CSMD1: variants seen among roughly 807,000 people sequenced by gnomAD.
The protein encoded by CSMD1 is CUB and Sushi multiple domains 1.
A neutral mutation model predicts 417.5 loss-of-function variants in CSMD1; 213 were observed. The observed-to-expected ratio is 0.51, with a 90% CI of 0.46 to 0.57. The LOEUF (loss-of-function observed/expected upper bound fraction) is 0.57. Among genes scored for constraint, CSMD1 ranks in the 20% least tolerant of loss-of-function variants. The pLI is 0.00. For missense variants in CSMD1, 6,923 were observed against 4,529.7 expected, an observed-to-expected ratio of 1.53 and a Z score of -15.17; for synonymous variants, 2,862 against 1,736.8, an observed-to-expected ratio of 1.65 and a Z score of -16.11.
At chr8:4,251,122 T>C (rs1382184302) in intron 3 of CSMD1, among the ~76,000 whole-genome samples, 10 of 152,098 alleles carry the variant, frequency 6.6e-5, no homozygotes, top group African/African-American at 1.9e-4. Context: ...TACCTATAAA[T>C]CATTTTTTTA....
intron 7 of CSMD1, among the ~76,000 whole-genome samples, chr8:3,647,499 G>C (rs564677545): frequency 6.6e-6 from 1 of 152,186 alleles, no homozygotes; most frequent in African/African-American, 2.4e-5. Context: ...AGCACAGAGA[G>C]AAGTATATCA....
intron 10 of CSMD1, among the ~76,000 whole-genome samples, chr8:3,509,856 G>T (rs1010862650): frequency 6.6e-6 from 1 of 152,136 alleles, no homozygotes; most frequent in African/African-American, 2.4e-5. Context: ...TTATCAGGTT[G>T]GACCCAACTC....
At chr8:3,556,839 G>C (rs746883476) in intron 10 of CSMD1, among the ~76,000 whole-genome samples, 6 of 151,586 alleles carry the variant, frequency 4.0e-5, no homozygotes, top group Non-Finnish European at 8.8e-5. Flanking sequence ...CACTGCCATA[G>C]GGCTTACCCC....
At position 2,942,540 on chromosome 8, in the gene CSMD1, C is replaced by A; in HGVS notation, c.10467G>T (p.Ala3489=). Residue 3489 remains alanine (A), a synonymous_variant, in exon 69 of 70, where the codon GCG becomes GCT. Coordinates refer to ENST00000635120, the MANE Select transcript of CSMD1 (RefSeq NM_033225.6). The part of the protein sequence containing the change: ...HYHGTSSGSV[A]AAILVPFFAL... ...CAAAGAAAGGAACCAGAATGGCAGCCGCCACAGAGCCACTGCTGGTGCCGT... is the reference window on the plus strand; with the variant it reads ...CAAAGAAAGGAACCAGAATGGCAGCAGCCACAGAGCCACTGCTGGTGCCGT... 1 of 1,609,954 alleles carries A rather than the reference C, an allele frequency of 6.2e-7. No individual in the cohort carries two copies.
intron 1 of CSMD1, among the ~76,000 whole-genome samples, chr8:4,810,782 G>A (rs920242145): frequency 6.6e-6 from 1 of 152,094 alleles, no homozygotes; most frequent in Non-Finnish European, 1.5e-5. Context: ...AAAGTGCCTC[G>A]CATATCACCA....
At chr8:3,649,887 T>A (rs927799641) in intron 7 of CSMD1, among the ~76,000 whole-genome samples, 1 of 152,242 alleles carries the variant, frequency 6.6e-6, no homozygotes, top group Non-Finnish European at 1.5e-5. Flanking sequence ...TTTTTTTGAA[T>A]ACTATCTAGC....
rs540602866 is a variant in CSMD1, at chr8:3,899,644, T to C, written c.818+98259A>G. On this transcript the variant is annotated intron_variant, in intron 5 of 69. Transcript: ENST00000635120. ...AGTGAGAGGAAAAGGTTTTGGAGGCTGAGAAACTAGACAAGAAGGTGGCTT... is the reference window on the plus strand; with the variant it reads ...AGTGAGAGGAAAAGGTTTTGGAGGCCGAGAAACTAGACAAGAAGGTGGCTT... Among the ~76,000 whole-genome samples the C allele has an allele frequency of 3.9e-5, 6 of 152,330 alleles. No individual in the cohort carries two copies. The South Asian group carries it at 1.2e-3, about 32-fold the overall frequency.
chr8:3,388,809 G>A lies in CSMD1; in HGVS notation c.2594-1127C>T, dbSNP rs973489395. 2.0e-5 allele frequency among the ~76,000 whole-genome samples: 3 copies of A among 152,062 alleles called. No individual in the cohort carries two copies. The East Asian group carries it at 5.8e-4, about 29-fold the overall frequency. On this transcript the variant is annotated intron_variant, in intron 17 of 69. Transcript: ENST00000635120. ...CTGGAGGAGCTTTCAATCTGCCAGA[G>A]GCAACGTGGATATCATTTGGCTAGA...
At chr8:3,551,596 A>T (rs201149396) in intron 10 of CSMD1, among the ~76,000 whole-genome samples, 10,662 of 113,128 alleles carry the variant, frequency 0.094, 739 homozygotes, top group East Asian at 0.16. Flanking sequence ...ATATATATAT[A>T]TTTTTTTTTT....
chr8:3,866,436 C>T (rs958652020), intron 5 of CSMD1, among the ~76,000 whole-genome samples: 6 of 152,112 alleles, frequency 3.9e-5, no homozygotes, highest in Non-Finnish European at 8.8e-5. Context: ...AATTTGATTA[C>T]CTGATATGTT....
intron 26 of CSMD1, among the ~76,000 whole-genome samples, chr8:3,274,109 G>T (rs1172517554): frequency 6.6e-6 from 1 of 151,890 alleles, no homozygotes; most frequent in East Asian, 1.9e-4. Context: ...ATGTGTCCCA[G>T]AGACTCTGGT....
chr8:2,993,981 T>TAA (rs34441038), intron 54 of CSMD1, among the ~76,000 whole-genome samples: 17 of 118,528 alleles, frequency 1.4e-4, no homozygotes, highest in African/African-American at 3.5e-4. Flanking sequence ...CCATCCCTAC[T>TAA]AAAAAAAAAA....
intron 6 of CSMD1, among the ~76,000 whole-genome samples, chr8:3,727,047 C>A (rs895652346): frequency 6.6e-6 from 1 of 152,128 alleles, no homozygotes; most frequent in Non-Finnish European, 1.5e-5. Context: ...CTAATGGTAG[C>A]TATCCTTTTT....
chr8:4,459,403 T>G, intron 2 of CSMD1, among the ~76,000 whole-genome samples: 1 of 152,314 alleles, frequency 6.6e-6, no homozygotes, highest in East Asian at 1.9e-4. Flanking sequence ...CAGCAGAAGC[T>G]GAGAGTGTCT....
chr8:3,438,698 C>T (rs1393514087), intron 12 of CSMD1, among the ~76,000 whole-genome samples: 1 of 152,134 alleles, frequency 6.6e-6, no homozygotes, highest in African/African-American at 2.4e-5. Flanking sequence ...ACTAAAGCTG[C>T]TACACATATT....
chr8:3,371,921 A>C (rs1388757704), intron 18 of CSMD1, among the ~76,000 whole-genome samples: 1 of 152,220 alleles, frequency 6.6e-6, no homozygotes, highest in Non-Finnish European at 1.5e-5. Context: ...GTATTCAACA[A>C]ATCGTTATTG....
At chr8:3,219,667 T>G (rs564683299) in intron 28 of CSMD1, among the ~76,000 whole-genome samples, 86 of 152,276 alleles carry the variant, frequency 5.6e-4, no homozygotes, top group African/African-American at 2.0e-3. Context: ...TACCATCATG[T>G]TCAATACAAT....
intron 3 of CSMD1, among the ~76,000 whole-genome samples, chr8:4,204,849 C>G (rs888665239): frequency 2.0e-5 from 3 of 151,966 alleles, no homozygotes; most frequent in Non-Finnish European, 4.4e-5. Flanking sequence ...TTTACAAAGA[C>G]AGGGTATCAC....
chr8:3,291,081 A>C (rs1458365177), intron 25 of CSMD1, among the ~76,000 whole-genome samples: 1 of 152,202 alleles, frequency 6.6e-6, no homozygotes. Flanking sequence ...TTTTGAGATA[A>C]TCATGTGGTT....
Sources: allele counts gnomAD v4.1 joint callset (sites outside exome capture counted in the v4.1 genomes callset), GRCh38; gene constraint gnomAD v4.1.1; transcripts MANE v1.5; gene names NCBI Gene and HGNC (gene_info 2026-07-23, HGNC 2026-07-21).